PHF21A: variants seen among roughly 807,000 people sequenced by gnomAD.
PHF21A encodes the protein BHC80a.
Under a neutral mutation model 82.5 loss-of-function variants are expected in PHF21A, and 11 were observed. That is an observed-to-expected ratio of 0.13 (90% CI 0.08 to 0.22). The LOEUF (loss-of-function observed/expected upper bound fraction) is 0.22. Ranked by LOEUF, PHF21A falls within the 10% of genes least tolerant of loss-of-function variation. PHF21A has a pLI of 1.00. For missense variants in PHF21A, 579 were observed against 837.8 expected, an observed-to-expected ratio of 0.69 and a Z score of 3.81; for synonymous variants, 297 against 302.8, an observed-to-expected ratio of 0.98 and a Z score of 0.20.
chr11:46,109,042 T>C (rs10734540), intron 1 of PHF21A, among the ~76,000 whole-genome samples: 137,329 of 152,262 alleles, frequency 0.9, 62,099 homozygotes, highest in East Asian at 1. Flanking sequence ...AGCCTCAAAA[T>C]GATACACTGT....
Position 45,949,374 on chromosome 11 carries a change from G to C in PHF21A, c.1227+28C>G, listed in dbSNP as rs756641322. The C allele has an allele frequency of 5.7e-6, 9 of 1,579,428 alleles. No individual in the cohort carries two copies. In the Admixed American group the frequency reaches 1.5e-4, roughly 26 times the overall value. The stretch of plus-strand genomic sequence containing the variant: ...CTCATAAATAAAACTGGAACATGAG[G>C]GAAGGGCCAGATGCTGGCCAGTAAT... On this transcript the variant is annotated intron_variant, in intron 13 of 18. Transcript: ENST00000676320.
chr11:46,077,686 G>C (rs1037262398), intron 5 of PHF21A, among the ~76,000 whole-genome samples: 5 of 152,078 alleles, frequency 3.3e-5, no homozygotes, highest in Admixed American at 6.6e-5. Flanking sequence ...TTGACATAAG[G>C]CTTCTCCAAT....
At chr11:46,017,864 T>G (rs2095547554) in intron 6 of PHF21A, among the ~76,000 whole-genome samples, 1 of 152,182 alleles carries the variant, frequency 6.6e-6, no homozygotes, top group Non-Finnish European at 1.5e-5. Flanking sequence ...CTTATTACTT[T>G]GCCTTTTCAA....
intron 6 of PHF21A, among the ~76,000 whole-genome samples, chr11:46,060,458 A>G (rs2096521488): frequency 1.3e-5 from 2 of 152,184 alleles, no homozygotes; most frequent in Admixed American, 1.3e-4. Flanking sequence ...AAATTATGTT[A>G]TATTATATAA....
intron 13 of PHF21A, 61 bp downstream of exon 13, chr11:45,949,341 C>T: frequency 1.4e-6 from 2 of 1,391,502 alleles, no homozygotes; most frequent in Non-Finnish European, 2.0e-6. Context: ...AGGGGAGGCA[C>T]TGAACAGCTC....
chr11:45,970,075 C>T (rs1441959185), intron 8 of PHF21A, 171 bp from the exon 9 acceptor site: 1 of 607,250 alleles, frequency 1.6e-6, no homozygotes, highest in Non-Finnish European at 2.9e-6. Context: ...ACTCTCCCAC[C>T]TGTGTGCTTT....
chr11:45,950,105 T>G (rs1216249395), intron 12 of PHF21A, 101 bp downstream of exon 12: 2 of 952,642 alleles, frequency 2.1e-6, no homozygotes, highest in East Asian at 2.5e-5. Flanking sequence ...ATACTCTATT[T>G]GTGTTCCAAT....
At chr11:45,982,837 A>G (rs891847974) in intron 6 of PHF21A, among the ~76,000 whole-genome samples, 2 of 152,202 alleles carry the variant, frequency 1.3e-5, no homozygotes, top group Admixed American at 6.5e-5. Context: ...TCAGGAGGAA[A>G]TAATACAACA....
chr11:45,981,940 C>CTTTTTTTTTTT (rs754937092), intron 6 of PHF21A, among the ~76,000 whole-genome samples: 1,539 of 78,512 alleles, frequency 0.02, 5 homozygotes, highest in East Asian at 0.055. Flanking sequence ...TTTTGTTTTT[C>CTTTTTTTTTTT]TTTTTTTTTT....
chr11:45,960,525 C>CA (rs1487972850), intron 10 of PHF21A, among the ~76,000 whole-genome samples: 1 of 152,104 alleles, frequency 6.6e-6, no homozygotes, highest in Non-Finnish European at 1.5e-5. Context: ...TGGTGATTGC[C>CA]AGCGGCAGAG....
At chr11:46,081,076 A>G (rs943216638) in intron 4 of PHF21A, among the ~76,000 whole-genome samples, 4 of 152,164 alleles carry the variant, frequency 2.6e-5, no homozygotes, top group Non-Finnish European at 4.4e-5. Flanking sequence ...GGTTGTAATA[A>G]TCTAAGAAAC....
intron 11 of PHF21A, 121 bp from the exon 12 acceptor site, chr11:45,950,378 G>T: frequency 1.5e-6 from 1 of 667,476 alleles, no homozygotes; most frequent in Non-Finnish European, 2.6e-6. Flanking sequence ...GAATGCACAA[G>T]AGCAGGCATT....
At chr11:46,014,697 G>GACTGGTGTAAAGTGGTATCACTGT (rs1591995909) in intron 6 of PHF21A, among the ~76,000 whole-genome samples, 12 of 116,492 alleles carry the variant, frequency 1.0e-4, no homozygotes, top group Admixed American at 1.6e-4. Context: ...TAGTTATTCT[G>GACTGGTGTAAAGTGGTATCACTGT]GGGCCGGGCG....
chr11:45,981,934 G>GTTTTTTTTTTTTTT (rs2094305662), intron 6 of PHF21A, among the ~76,000 whole-genome samples: 2 of 88,006 alleles, frequency 2.3e-5, no homozygotes, highest in Non-Finnish European at 4.9e-5. Context: ...CTCTCTTTTT[G>GTTTTTTTTTTTTTT]TTTTTCTTTT....
intron 6 of PHF21A, among the ~76,000 whole-genome samples, chr11:46,001,475 T>C (rs1481019220): frequency 6.6e-6 from 1 of 152,098 alleles, no homozygotes; most frequent in African/African-American, 2.4e-5. Context: ...AGACTAACAA[T>C]AGAAGCTCCA....
intron 6 of PHF21A, among the ~76,000 whole-genome samples, chr11:46,060,927 G>A (rs543487281): frequency 6.6e-6 from 1 of 152,234 alleles, no homozygotes; most frequent in Non-Finnish European, 1.5e-5. Context: ...TATCTACCAG[G>A]GTTTTTATAG....
In PHF21A at chr11:46,079,145, G is replaced by T; in HGVS notation, c.76C>A (p.Gln26Lys). The change falls in exon 5 of 19, where the codon CAG (glutamine) becomes AAG (lysine). Residue 26 changes from glutamine (Q) to lysine (K), a missense_variant. By Grantham distance (53) the Gln-to-Lys change is moderately conservative. Transcript: ENST00000676320. ...VHQKLVAQMK[Q>K]DPQNADLKKQ... Reference sequence around the variant, plus strand: ...AATAGTAGTTTTACCTGTGGATCCTGCTTCATTTGAGCAACCAGTTTCTGG... The same window carrying T: ...AATAGTAGTTTTACCTGTGGATCCTTCTTCATTTGAGCAACCAGTTTCTGG... 1.3e-6 allele frequency: 2 copies of T among 1,588,694 alleles called. No homozygotes were observed. Among genetic ancestry groups the T allele is most frequent in the Non-Finnish European group, 1.7e-6 (2 of 1,162,548 alleles).
intron 6 of PHF21A, among the ~76,000 whole-genome samples, chr11:45,999,108 T>G (rs1296451925): frequency 6.6e-6 from 1 of 152,168 alleles, no homozygotes; most frequent in Non-Finnish European, 1.5e-5. Flanking sequence ...ATTACAGGCG[T>G]GAGCCACTGT....
intron 1 of PHF21A, among the ~76,000 whole-genome samples, chr11:46,093,038 G>A (rs1466717082): frequency 1.3e-5 from 2 of 152,182 alleles, no homozygotes; most frequent in East Asian, 1.9e-4. Context: ...TTACAGGTGT[G>A]AGCCACTGTG....
Sources: allele counts gnomAD v4.1 joint callset (sites outside exome capture counted in the v4.1 genomes callset), GRCh38; gene constraint gnomAD v4.1.1; transcripts MANE v1.5; gene names NCBI Gene and HGNC (gene_info 2026-07-23, HGNC 2026-07-21).